Variants in ANO2 observed in about 807,000 individuals in gnomAD.
The protein encoded by ANO2 is anoctamin 2.
ANO2 carries 101 observed loss-of-function variants against 124.2 expected under a neutral mutation model. That is an observed-to-expected ratio of 0.81 (90% CI 0.69 to 0.96). The LOEUF (loss-of-function observed/expected upper bound fraction) is 0.96. Among genes scored for constraint, ANO2 ranks in the 40% least tolerant of loss-of-function variants. The probability of loss-of-function intolerance (pLI) is 0.00; values close to 1 mark genes in which losing one functional copy is unlikely to be tolerated. For synonymous variants in ANO2, 486 were observed against 482.5 expected (o/e 1.01, Z -0.09); for missense variants, 1,293 against 1,274.5 (o/e 1.01, Z -0.22).
chr12:5,638,857 C>G (rs1270368591), intron 15 of ANO2, among the ~76,000 whole-genome samples: 1 of 152,098 alleles, frequency 6.6e-6, no homozygotes, highest in East Asian at 1.9e-4. Flanking sequence ...CAACATAAGC[C>G]AGGCTACAGA....
intron 10 of ANO2, among the ~76,000 whole-genome samples, chr12:5,774,714 G>A (rs1448822465): frequency 6.6e-6 from 1 of 152,136 alleles, no homozygotes; most frequent in Non-Finnish European, 1.5e-5. Flanking sequence ...CAGGGACAGG[G>A]CTGCTCTTCA....
At chr12:5,624,694 A>G (rs1945307145) in intron 16 of ANO2, among the ~76,000 whole-genome samples, 1 of 152,158 alleles carries the variant, frequency 6.6e-6, no homozygotes, top group Admixed American at 6.5e-5. Flanking sequence ...GTGGTGGACA[A>G]TCCAATCAGC....
rs527664084 is a variant in ANO2, at chr12:5,638,969, T to G, written c.1621-3622A>C. Among the ~76,000 whole-genome samples, 19 of 152,240 alleles carry G rather than the reference T, an allele frequency of 1.2e-4. No individual in the cohort carries two copies. The South Asian group carries it at 3.7e-3, about 30-fold the overall frequency. On this transcript the variant is annotated intron_variant, in intron 15 of 24. Coordinates refer to ENST00000682330, the MANE Select transcript of ANO2 (RefSeq NM_001364791.2). Reference sequence around the variant, plus strand: ...TCTGAAGCAAAGTTGAGAAAATCATTGCACACATACAACAAAGATGATCCT... The same window carrying G: ...TCTGAAGCAAAGTTGAGAAAATCATGGCACACATACAACAAAGATGATCCT...
chr12:5,878,531 C>G (rs1226779144), intron 3 of ANO2, among the ~76,000 whole-genome samples: 1 of 152,210 alleles, frequency 6.6e-6, no homozygotes, highest in Non-Finnish European at 1.5e-5. Flanking sequence ...GATGCATGCC[C>G]CTGACATTGG....
At chr12:5,928,498 C>A (rs1942198436) in intron 1 of ANO2, among the ~76,000 whole-genome samples, 2 of 147,576 alleles carry the variant, frequency 1.4e-5, no homozygotes, top group Non-Finnish European at 3.0e-5. Flanking sequence ...CCTCACTGGT[C>A]TACTTTCCTT....
intron 19 of ANO2, among the ~76,000 whole-genome samples, chr12:5,607,291 C>G (rs1435896486): frequency 6.6e-6 from 1 of 152,202 alleles, no homozygotes; most frequent in African/African-American, 2.4e-5. Flanking sequence ...CTATGCCACA[C>G]AGTAAAATGT....
Position 5,900,861 on chromosome 12 carries a change from C to T in ANO2, c.534+20179G>A, listed in dbSNP as rs1221648110. ...CAGGAAGGCGTCTCCTTGTTCTCGGCTCAGGAGACTCAGAGAAAGCCCAAC... is the reference window on the plus strand; with the variant it reads ...CAGGAAGGCGTCTCCTTGTTCTCGGTTCAGGAGACTCAGAGAAAGCCCAAC... On this transcript the variant is annotated intron_variant, in intron 3 of 24. Transcript: ENST00000682330. The surrounding 1 kb of genome is among the most constrained non-coding windows in gnomAD (Gnocchi z 4.2). Among the ~76,000 whole-genome samples, 3 of 152,228 alleles carry T rather than the reference C, an allele frequency of 2.0e-5. No individual in the cohort carries two copies. The South Asian group carries it at 6.2e-4, about 31-fold the overall frequency.
Position 5,612,894 on chromosome 12 carries a change from T to C in ANO2, c.1986+7A>G. ...GCCAGGCATGAAACACCAGTGGCTGTACTTGCCTCTTCCATGCGGTAACCA... is the reference window on the plus strand; with the variant it reads ...GCCAGGCATGAAACACCAGTGGCTGCACTTGCCTCTTCCATGCGGTAACCA... On this transcript the variant is annotated splice_region_variant and intron_variant, in intron 18 of 24. Coordinates refer to ENST00000682330, the MANE Select transcript of ANO2 (RefSeq NM_001364791.2). 6.2e-7 allele frequency: 1 copy of C among 1,613,942 alleles called. No individual in the cohort carries two copies. Among genetic ancestry groups the C allele is most frequent in the African/African-American group, 1.3e-5 (1 of 75,040 alleles).
rs570062812 is a variant in ANO2 at position 5,904,766 on chromosome 12, CA to C, written c.534+16273del. On this transcript the variant is annotated intron_variant, in intron 3 of 24. Transcript: ENST00000682330. This position sits in a 1 kb window ranked among gnomAD's most constrained non-coding sequence, Gnocchi z 4.1. ...TGGCTCCAGACCCATACACCTGTCT[CA>C]GGGGCAGTCCTGAGCAGACTGATTC... is the stretch of plus-strand genomic sequence containing the variant. Among the ~76,000 whole-genome samples, 4 of 152,314 alleles carry C rather than the reference CA, an allele frequency of 2.6e-5. No individual in the cohort carries two copies. Among genetic ancestry groups the C allele is most frequent in the Middle Eastern group, 3.4e-3 (1 of 294 alleles).
chr12:5,607,159 C>G (rs1333554875), intron 19 of ANO2, among the ~76,000 whole-genome samples: 1 of 151,860 alleles, frequency 6.6e-6, no homozygotes, highest in Non-Finnish European at 1.5e-5. Context: ...AAGAGCTGTA[C>G]TGCCCACTAA....
intron 14 of ANO2, among the ~76,000 whole-genome samples, chr12:5,727,039 G>C (rs76688114): frequency 0.12 from 18,986 of 152,188 alleles, 1,325 homozygotes; most frequent in African/African-American, 0.18. Flanking sequence ...TCATGTACAT[G>C]AGATGTGAAT....
chr12:5,598,303 T>C (rs1053236303), intron 20 of ANO2, among the ~76,000 whole-genome samples: 5 of 152,204 alleles, frequency 3.3e-5, no homozygotes, highest in African/African-American at 1.2e-4. Context: ...ATGGATCTTA[T>C]TGATGGTTCC....
In ANO2 at chr12:5,916,492, T is replaced by TAAAAAAAAAAAA. The variant is rs57056611; in HGVS notation, c.534+4536_534+4547dup. 6.4e-5 allele frequency among the ~76,000 whole-genome samples: 6 copies of TAAAAAAAAAAAA among 93,158 alleles called. 1 individual carries two copies. Among genetic ancestry groups the TAAAAAAAAAAAA allele is most frequent in the Non-Finnish European group, 1.2e-4 (6 of 48,932 alleles). The allele number at this position is 93,158 out of a possible 152,430, so 61.1% of individuals were successfully genotyped here. A position where few individuals can be genotyped will look rare whatever the true frequency, so the allele number is the denominator to read the frequency against. ...TCTGAATAGAAAAATCGCAGCAGGT[T>TAAAAAAAAAAAA]AAAAAAAAAAAAAAAAAAAAAGGCA... On this transcript the variant is annotated intron_variant, in intron 3 of 24. Coordinates refer to ENST00000682330, the MANE Select transcript of ANO2 (RefSeq NM_001364791.2).
At chr12:5,581,197 A>C (rs1222947271) in intron 20 of ANO2, among the ~76,000 whole-genome samples, 1 of 152,174 alleles carries the variant, frequency 6.6e-6, no homozygotes, top group East Asian at 1.9e-4. Flanking sequence ...AAGTGTATGG[A>C]TGGATGTATA....
In ANO2 at chr12:5,787,679, T is replaced by G. The variant is rs1952577894; in HGVS notation, c.1055+11828A>C. Among the ~76,000 whole-genome samples, 1 of 152,228 alleles carries G rather than the reference T, an allele frequency of 6.6e-6. No homozygotes were observed. Among genetic ancestry groups the G allele is most frequent in the African/African-American group, 2.4e-5 (1 of 41,466 alleles). ...CTGTTGTCATTATTTTCCTCATCTT[T>G]GCCTGGATCATTTTTGTTTTGACCC... On this transcript the variant is annotated intron_variant, in intron 10 of 24. Coordinates refer to ENST00000682330, the MANE Select transcript of ANO2 (RefSeq NM_001364791.2). This position sits in a 1 kb window ranked among gnomAD's most constrained non-coding sequence, Gnocchi z 4.2.
chr12:5,828,921 TCCAA>T (rs1954069264), intron 6 of ANO2, among the ~76,000 whole-genome samples: 1 of 152,156 alleles, frequency 6.6e-6, no homozygotes, highest in African/African-American at 2.4e-5. Context: ...GGTGAGGTCC[TCCAA>T]CCAAAGTCCA....
chr12:5,620,871 T>C (rs895075021), intron 16 of ANO2, among the ~76,000 whole-genome samples: 1 of 152,110 alleles, frequency 6.6e-6, no homozygotes, highest in African/African-American at 2.4e-5. Context: ...TCTTCTATAG[T>C]TATGTATGTT....
chr12:5,760,077 C>T (rs1285470891), intron 10 of ANO2, among the ~76,000 whole-genome samples: 1 of 152,210 alleles, frequency 6.6e-6, no homozygotes. Flanking sequence ...CTTTCTCAAT[C>T]ACCATTTCTG....
intron 14 of ANO2, among the ~76,000 whole-genome samples, chr12:5,691,222 G>A (rs1948922929): frequency 6.6e-6 from 1 of 151,370 alleles, no homozygotes; most frequent in Non-Finnish European, 1.5e-5. Flanking sequence ...CAGCTACTCA[G>A]GAGGCTGAGG....
Sources: allele counts gnomAD v4.1 joint callset (sites outside exome capture counted in the v4.1 genomes callset), GRCh38; gene constraint gnomAD v4.1.1; non-coding constraint Gnocchi (gnomAD v3.1); transcripts MANE v1.5; gene names NCBI Gene and HGNC (gene_info 2026-07-23, HGNC 2026-07-21).